Variants in GATB observed in about 807,000 individuals in gnomAD.
GATB encodes glutamyl-tRNA amidotransferase subunit B.
GATB carries 39 observed loss-of-function variants against 62.3 expected under a neutral mutation model. The ratio of observed to expected loss-of-function variants is 0.63; its 90% CI spans 0.48 to 0.82. The LOEUF is 0.82. Ranked by LOEUF, GATB falls within the 40% of genes least tolerant of loss-of-function variation. GATB has a pLI of 0.00. For synonymous variants in GATB, 276 were observed against 258.9 expected, an observed-to-expected ratio of 1.07 and a Z score of -0.63; for missense variants, 670 against 684.0, an observed-to-expected ratio of 0.98 and a Z score of 0.23.
At chr4:151,754,958 TAAC>T (rs1181028586) in intron 2 of GATB, among the ~76,000 whole-genome samples, 1 of 152,240 alleles carries the variant, frequency 6.6e-6, no homozygotes, top group East Asian at 1.9e-4. Flanking sequence ...ACTGGCAACG[TAAC>T]TGTGCACAAT....
At chr4:151,739,382 C>T (rs879831061) in intron 2 of GATB, among the ~76,000 whole-genome samples, 4 of 152,174 alleles carry the variant, frequency 2.6e-5, no homozygotes, top group Admixed American at 2.0e-4. Context: ...ACCAAGCCTA[C>T]GTTTGTCATC....
In GATB at chr4:151,758,782, C is replaced by G; in HGVS notation, c.317G>C (p.Gly106Ala). 1 of 1,581,652 alleles carries G rather than the reference C, an allele frequency of 6.3e-7. No homozygotes were observed. The highest frequency in any genetic ancestry group is 8.6e-7 in the Non-Finnish European group (1 of 1,165,530). The change falls in exon 2 of 13, where the codon GGA (glycine) becomes GCA (alanine). Residue 106 changes from glycine to alanine, a missense_variant. By Grantham distance (60) the Gly-to-Ala change is moderately conservative (BLOSUM62 0). Transcript: ENST00000263985. ...AAATAAGAATCTTACCGGCAAAGTT[C>G]CAGGTAGAGATGCATCAAAAAAAGA... ...LVSFFDASLPGTLPVLNRRCV... is the reference protein window; with the variant it reads ...LVSFFDASLPATLPVLNRRCV...
At chr4:151,732,042 C>T (rs1460455664) in intron 2 of GATB, among the ~76,000 whole-genome samples, 1 of 108,920 alleles carries the variant, frequency 9.2e-6, no homozygotes, top group Non-Finnish European at 1.8e-5. Flanking sequence ...GCCGCCCCGT[C>T]CGGGAGGGAG....
At chr4:151,716,624 G>C (rs1738917932) in intron 4 of GATB, among the ~76,000 whole-genome samples, 1 of 152,164 alleles carries the variant, frequency 6.6e-6, no homozygotes, top group South Asian at 2.1e-4. Context: ...ATATCCAGCT[G>C]CTGGGTCTGT....
chr4:151,681,835 T>A (rs967229361), intron 10 of GATB, among the ~76,000 whole-genome samples: 2 of 152,194 alleles, frequency 1.3e-5, no homozygotes, highest in African/African-American at 2.4e-5. Flanking sequence ...TGTGTCTGCA[T>A]GTGGTGGAAG....
At chr4:151,684,188 A>G (rs1016166825) in intron 10 of GATB, among the ~76,000 whole-genome samples, 10 of 152,192 alleles carry the variant, frequency 6.6e-5, no homozygotes, top group African/African-American at 2.4e-4. Context: ...AGTGCTCAGA[A>G]ATTGTTGCCC....
At chr4:151,673,184 G>C (rs1188665273) in intron 11 of GATB, 1 of 293,940 alleles carries the variant, frequency 3.4e-6, no homozygotes, top group African/African-American at 2.1e-5. Context: ...TAAGGTGTGA[G>C]AGGACTCGGG....
intron 8 of GATB, among the ~76,000 whole-genome samples, chr4:151,701,822 C>T (rs910776775): frequency 2.0e-5 from 3 of 152,136 alleles, no homozygotes; most frequent in African/African-American, 7.2e-5. Flanking sequence ...GGAATTGTGC[C>T]CACAGTTGTG....
intron 2 of GATB, among the ~76,000 whole-genome samples, chr4:151,747,662 G>A (rs1236637894): frequency 5.9e-5 from 9 of 152,206 alleles, no homozygotes; most frequent in Non-Finnish European, 1.3e-4. Context: ...AGCTATCAGA[G>A]TGACACAACA....
chr4:151,759,041 T>C (rs1174837125), intron 1 of GATB, 119 bp from the exon 2 acceptor site: 5 of 592,330 alleles, frequency 8.4e-6, no homozygotes, highest in African/African-American at 3.8e-5. Flanking sequence ...TACAATGTTA[T>C]ATCCTCACAT....
chr4:151,682,300 G>A (rs1738155783), intron 10 of GATB, among the ~76,000 whole-genome samples: 2 of 152,094 alleles, frequency 1.3e-5, no homozygotes, highest in African/African-American at 4.8e-5. Flanking sequence ...TTCCACATAT[G>A]CCAGGGCTAA....
chr4:151,734,684 T>C (rs1739335019), intron 2 of GATB, among the ~76,000 whole-genome samples: 1 of 152,110 alleles, frequency 6.6e-6, no homozygotes, highest in African/African-American at 2.4e-5. Context: ...TTTTAAACTA[T>C]ACTATAAGGC....
chr4:151,722,507 TC>T lies in GATB; in HGVS notation c.328-2970del. The T allele has an allele frequency of 1.3e-5, 5 of 378,646 alleles. No individual in the cohort carries two copies. In the South Asian group the frequency reaches 2.0e-4, roughly 15 times the overall value. The allele number at this position is 378,646 out of a possible 1,614,324, so 23.5% of individuals were successfully genotyped here. On this transcript the variant is annotated intron_variant, in intron 2 of 12. Coordinates refer to ENST00000263985, the MANE Select transcript of GATB (RefSeq NM_004564.3). The stretch of plus-strand genomic sequence containing the variant: ...ATCTTCAATTTCATCTACCACCATG[TC>T]CCCCCACAACACCTCTGCTGTAGTT...
Position 151,672,879 on chromosome 4 carries a change from C to A in GATB, c.1428G>T (p.Trp476Cys), listed in dbSNP as rs772849033. 7 of 1,614,206 alleles carry A rather than the reference C, an allele frequency of 4.3e-6. No homozygotes were observed. Among genetic ancestry groups the A allele is most frequent in the Non-Finnish European group, 5.1e-6 (6 of 1,180,028 alleles). ...SAAKQVFEEL[W>C]KREGKTPGQI... is the part of the protein sequence containing the mutation. ...GCCCTGGAGTCTTGCCTTCCCTCTTCCACAGTTCCTCAAACACCTATGGAC... is the reference window on the plus strand; with the variant it reads ...GCCCTGGAGTCTTGCCTTCCCTCTTACACAGTTCCTCAAACACCTATGGAC... Residue 476 changes from tryptophan (W) to cysteine (C), a missense_variant, in exon 12 of 13, where the codon TGG becomes TGT. Transcript: ENST00000263985.
chr4:151,722,949 A>C (rs1262842174), intron 2 of GATB: 1 of 152,230 alleles, frequency 6.6e-6, no homozygotes, highest in Non-Finnish European at 1.5e-5. Flanking sequence ...AGTGCCCTGA[A>C]GTGACAACTG....
At chr4:151,697,953 G>GTGTGTATATATATA (rs1186735671) in intron 9 of GATB, among the ~76,000 whole-genome samples, 1 of 40,608 alleles carries the variant, frequency 2.5e-5, no homozygotes, top group African/African-American at 1.3e-4. Context: ...GTGTGTGTGT[G>GTGTGTATATATATA]TATATATATA....
chr4:151,705,438 C>T (rs1738696690), intron 6 of GATB, among the ~76,000 whole-genome samples, 169 bp from the exon 7 acceptor site: 2 of 152,044 alleles, frequency 1.3e-5, no homozygotes, highest in African/African-American at 2.4e-5. Context: ...TCACTGCCAT[C>T]GTAGAATATT....
intron 2 of GATB, among the ~76,000 whole-genome samples, chr4:151,732,262 G>A (rs1446789581): frequency 6.6e-6 from 1 of 152,204 alleles, no homozygotes; most frequent in East Asian, 1.9e-4. Context: ...TGACGATGGC[G>A]GTTTTGTGGA....
At chr4:151,737,726 G>A (rs1401123463) in intron 2 of GATB, among the ~76,000 whole-genome samples, 9 of 152,158 alleles carry the variant, frequency 5.9e-5, no homozygotes, top group African/African-American at 2.2e-4. Flanking sequence ...TAGGGACTTG[G>A]TGCCCTGCAT....
Sources: gnomAD v4.1 joint callset for allele counts (sites outside exome capture counted in the v4.1 genomes callset) on GRCh38, gnomAD v4.1.1 for gene constraint, MANE v1.5 for transcripts, NCBI Gene and HGNC (gene_info 2026-07-23, HGNC 2026-07-21) for gene names.